Variants in PKP2 observed in about 807,000 individuals in gnomAD.
The protein encoded by PKP2 is plakophilin-2.
In PKP2, 73 loss-of-function variants were observed where a neutral mutation model predicts 83.4. That is an observed-to-expected ratio of 0.88 (90% CI 0.72 to 1.06). PKP2 has a LOEUF of 1.06. Ranked by LOEUF, PKP2 falls within the 50% of genes least tolerant of loss-of-function variation. The pLI is 0.00. For missense variants in PKP2, 966 were observed against 1,065.4 expected, an observed-to-expected ratio of 0.91 and a Z score of 1.30; for synonymous variants, 409 against 430.4, an observed-to-expected ratio of 0.95 and a Z score of 0.62.
intron 1 of PKP2, among the ~76,000 whole-genome samples, chr12:32,880,046 T>C (rs1956971558): frequency 6.6e-6 from 1 of 151,266 alleles, no homozygotes; most frequent in African/African-American, 2.4e-5. Flanking sequence ...CTTCTTGTAA[T>C]AAGCAGGTGT....
intron 1 of PKP2, chr12:32,893,297 T>TG (rs1957091680): frequency 6.6e-6 from 1 of 152,232 alleles, no homozygotes; most frequent in Non-Finnish European, 1.5e-5. Context: ...CTTTTCTTCC[T>TG]GGAATTTCTT....
At chr12:32,895,566 C>T (rs563911514) in intron 1 of PKP2, among the ~76,000 whole-genome samples, 23 of 152,264 alleles carry the variant, frequency 1.5e-4, no homozygotes, top group Non-Finnish European at 2.8e-4. Flanking sequence ...CAACATAGTG[C>T]TTTTATAATG....
intron 4 of PKP2, among the ~76,000 whole-genome samples, chr12:32,855,909 T>C (rs1956743464): frequency 6.6e-6 from 1 of 152,106 alleles, no homozygotes; most frequent in African/African-American, 2.4e-5. Context: ...TGCCATTTTC[T>C]ATGTTTTCAA....
At chr12:32,839,845 G>A (rs1327237470) in intron 6 of PKP2, among the ~76,000 whole-genome samples, 1 of 152,192 alleles carries the variant, frequency 6.6e-6, no homozygotes, top group Non-Finnish European at 1.5e-5. Flanking sequence ...ACAGAAGATG[G>A]ATTCGAGGAA....
At chr12:32,806,381 C>T (rs1243383886) in intron 9 of PKP2, among the ~76,000 whole-genome samples, 4 of 152,160 alleles carry the variant, frequency 2.6e-5, no homozygotes, top group Non-Finnish European at 5.9e-5. Flanking sequence ...ACTACTACCT[C>T]AATTTTAGAA....
At chr12:32,850,519 T>C (rs1045770462) in intron 5 of PKP2, among the ~76,000 whole-genome samples, 1 of 151,720 alleles carries the variant, frequency 6.6e-6, no homozygotes, top group African/African-American at 2.4e-5. Context: ...TGAGCTGAGA[T>C]TGAGTCACTG....
At chr12:32,886,512 G>GT (rs1259981738) in intron 1 of PKP2, among the ~76,000 whole-genome samples, 5 of 151,972 alleles carry the variant, frequency 3.3e-5, no homozygotes, top group Non-Finnish European at 4.4e-5. Context: ...AATTTTTTTT[G>GT]TTTTTTGTCT....
intron 11 of PKP2, among the ~76,000 whole-genome samples, chr12:32,795,183 TCTC>T (rs1440068799): frequency 2.6e-5 from 4 of 151,742 alleles, no homozygotes; most frequent in South Asian, 2.1e-4. Context: ...GGTTTTTCAT[TCTC>T]CTCCTTTTTT....
chr12:32,863,829 A>T (rs961419969), intron 4 of PKP2, among the ~76,000 whole-genome samples: 4 of 152,210 alleles, frequency 2.6e-5, no homozygotes, highest in Non-Finnish European at 4.4e-5. Context: ...ATTCTATGAG[A>T]CTAGTATTAC....
At chr12:32,824,265 T>C (rs1792951477) in intron 6 of PKP2, 103 bp from the exon 7 acceptor site, 3 of 824,270 alleles carry the variant, frequency 3.6e-6, no homozygotes, top group South Asian at 1.4e-5. Flanking sequence ...GTTTGGAAAC[T>C]GGCAAATTTG....
At chr12:32,792,802 T>C (rs2137698582) in intron 11 of PKP2, 71 bp from the exon 12 acceptor site, 2 of 1,192,546 alleles carry the variant, frequency 1.7e-6, no homozygotes, top group South Asian at 1.2e-5. Context: ...GTGGGTGTTC[T>C]GTAAGACCTC....
In PKP2 at chr12:32,793,088, A is replaced by G. The variant is rs141160079; in HGVS notation, c.2358-357T>C. 8.4e-3 allele frequency among the ~76,000 whole-genome samples: 1,277 copies of G among 152,142 alleles called. 7 individuals carry two copies. Among genetic ancestry groups the G allele is most frequent in the South Asian group, 0.043 (206 of 4,808 alleles). ...AAACCCCGTCTGTACTAAAAATACA[A>G]AATCTAGCTGGGCGTGGCAGTGTGT... On this transcript the variant is annotated intron_variant, in intron 11 of 12. Transcript: ENST00000340811.
chr12:32,822,383 G>A (rs114120976), intron 8 of PKP2, 84 bp downstream of exon 8: 1 of 1,142,526 alleles, frequency 8.8e-7, no homozygotes, highest in Admixed American at 1.7e-5. Context: ...TATATACCAA[G>A]TACTTAGACA....
intron 4 of PKP2, among the ~76,000 whole-genome samples, chr12:32,853,802 C>T (rs552307864): frequency 3.2e-4 from 48 of 152,292 alleles, no homozygotes; most frequent in African/African-American, 7.9e-4. Context: ...TGAGCCACCG[C>T]GCCCAGCTGG....
At chr12:32,817,828 C>T (rs1039604380) in intron 9 of PKP2, among the ~76,000 whole-genome samples, 11 of 152,102 alleles carry the variant, frequency 7.2e-5, no homozygotes, top group African/African-American at 1.7e-4. Flanking sequence ...AGTACCAGTC[C>T]GTGGACTGTT....
chr12:32,791,123 A>T lies in PKP2; in HGVS notation c.*1301T>A, dbSNP rs1956061464. On this transcript the variant is annotated 3_prime_UTR_variant, in exon 13 of 13. Coordinates refer to ENST00000340811, the MANE Select transcript of PKP2 (RefSeq NM_001005242.3). ...AAATGTTGTCAGATTAAAAAAAAAA[A>T]TAACAGAATAGTAGTTGTAAAGACT... 6.6e-6 allele frequency: 1 copy of T among 151,824 alleles called. No individual in the cohort carries two copies. The allele number at this position is 151,824 out of a possible 1,614,324, so 9.4% of individuals were successfully genotyped here.
At chr12:32,848,811 T>A (rs577906404) in intron 5 of PKP2, among the ~76,000 whole-genome samples, 63 of 152,302 alleles carry the variant, frequency 4.1e-4, no homozygotes, top group South Asian at 1.9e-3. Flanking sequence ...TTGAATTTTT[T>A]AAAATGTGAT....
intron 4 of PKP2, among the ~76,000 whole-genome samples, chr12:32,858,077 AAAAAAAAAT>A (rs1277476297): frequency 6.3e-4 from 41 of 64,818 alleles, no homozygotes; most frequent in South Asian, 9.4e-4. Context: ...AAAAAAAAAA[AAAAAAAAAT>A]ATATATATAT....
chr12:32,893,555 C>T (rs1431755140), intron 1 of PKP2: 2 of 152,300 alleles, frequency 1.3e-5, no homozygotes, highest in African/African-American at 2.4e-5. Flanking sequence ...AAAGCTGAGG[C>T]TTTAAAGTAA....
Sources: allele counts gnomAD v4.1 joint callset (sites outside exome capture counted in the v4.1 genomes callset), GRCh38; gene constraint gnomAD v4.1.1; transcripts MANE v1.5; gene names NCBI Gene and HGNC (gene_info 2026-07-23, HGNC 2026-07-21).